The following ZNF454 variants were observed in gnomAD, a reference collection of about 807,000 sequenced individuals.
ZNF454 encodes the protein zinc finger protein 454.
In ZNF454, 30 loss-of-function variants were observed where a neutral mutation model predicts 48.2. That is an observed-to-expected ratio of 0.62 (90% confidence interval 0.47 to 0.84). ZNF454 has a LOEUF of 0.84. ZNF454 is among the 40% of genes least tolerant of loss of function. ZNF454 has a pLI of 0.00. For missense variants in ZNF454, 510 were observed against 623.1 expected, an observed-to-expected ratio of 0.82 and a Z score of 1.93; for synonymous variants, 204 against 211.4, an observed-to-expected ratio of 0.97 and a Z score of 0.30.
intron 4 of ZNF454, among the ~76,000 whole-genome samples, chr5:178,951,963 T>G (rs1453177747): frequency 6.6e-6 from 1 of 152,218 alleles, no homozygotes; most frequent in East Asian, 1.9e-4. Context: ...AAAATTCTGT[T>G]AGTCTTATTC....
At chr5:178,977,323 C>A in the ZNF454 span, 5 of 437,520 alleles carry the variant, frequency 1.1e-5, no homozygotes, top group Non-Finnish European at 1.9e-5. Context: ...ATAAAAGAGA[C>A]CCCAGGGTGC....
intron 2 of ZNF454, among the ~76,000 whole-genome samples, chr5:178,943,094 A>C (rs907674885): frequency 6.6e-6 from 1 of 152,204 alleles, no homozygotes; most frequent in Non-Finnish European, 1.5e-5. Flanking sequence ...TACTCTTTTC[A>C]CTAGCAAGTA....
intron 4 of ZNF454, among the ~76,000 whole-genome samples, chr5:178,954,322 G>A (rs1026351491): frequency 6.6e-6 from 1 of 151,938 alleles, no homozygotes; most frequent in Non-Finnish European, 1.5e-5. Context: ...TAAAATTCCT[G>A]CCCATTGACT....
the ZNF454 span, chr5:178,980,120 A>G: frequency 1.0e-2 from 1,540 of 154,480 alleles, 76 homozygotes; most frequent in East Asian, 0.14. The surrounding 1 kb of genome is among the most constrained non-coding windows in gnomAD (Gnocchi z 4.3). Flanking sequence ...ACCTAGTCCC[A>G]CGGTCAAAAC....
the ZNF454 span, chr5:178,986,022 A>G: frequency 9.6e-7 from 1 of 1,038,474 alleles, no homozygotes; most frequent in Non-Finnish European, 1.4e-6. Context: ...TCAGCCTCCA[A>G]AGGTGCTGGG....
chr5:178,964,338 T>C (rs559271837), intron 4 of ZNF454, among the ~76,000 whole-genome samples: 1 of 152,224 alleles, frequency 6.6e-6, no homozygotes, highest in South Asian at 2.1e-4. Context: ...GCCAGGATGG[T>C]CTCGATCTCC....
the ZNF454 span, chr5:178,982,924 G>A: frequency 6.2e-7 from 1 of 1,613,354 alleles, no homozygotes; most frequent in South Asian, 1.1e-5. Flanking sequence ...TCAGCTGACT[G>A]GGCAGTGCCA....
the ZNF454 span, chr5:178,980,631 G>GT: frequency 9.8e-3 from 1,507 of 153,346 alleles, 21 homozygotes; most frequent in African/African-American, 0.035. The surrounding 1 kb of genome is among the most constrained non-coding windows in gnomAD (Gnocchi z 4.3). Flanking sequence ...TTTTTTTGGT[G>GT]TTTTTTTGTT....
chr5:178,951,059 C>A (rs1465029309), intron 4 of ZNF454, among the ~76,000 whole-genome samples: 4 of 152,000 alleles, frequency 2.6e-5, no homozygotes, highest in African/African-American at 9.7e-5. Flanking sequence ...GGGGTTTCAC[C>A]ATGTTGGCCC....
chr5:178,975,082 C>A, the ZNF454 span, among the ~76,000 whole-genome samples: 1 of 152,158 alleles, frequency 6.6e-6, no homozygotes, highest in Admixed American at 6.6e-5. Context: ...CCATGGCAGG[C>A]CGATCACCTG....
chr5:178,983,188 G>A, the ZNF454 span: 2 of 1,613,066 alleles, frequency 1.2e-6, no homozygotes, highest in Non-Finnish European at 1.7e-6. Context: ...CTGTGTGGGG[G>A]CCGGGCCCCC....
At chr5:178,942,435 G>A (rs1196126912) in intron 1 of ZNF454, 1 of 224,818 alleles carries the variant, frequency 4.4e-6, no homozygotes, top group African/African-American at 2.3e-5. Flanking sequence ...GAATTCTCTT[G>A]AGATCGCTCA....
At chr5:178,955,855 C>T (rs547283838) in intron 4 of ZNF454, among the ~76,000 whole-genome samples, 1 of 152,278 alleles carries the variant, frequency 6.6e-6, no homozygotes, top group South Asian at 2.1e-4. Flanking sequence ...GCTTTCTTCT[C>T]TTTGGTGGCT....
the ZNF454 span, among the ~76,000 whole-genome samples, chr5:178,984,692 CA>C: frequency 2.6e-5 from 4 of 152,228 alleles, no homozygotes; most frequent in African/African-American, 9.6e-5. Context: ...TGGGCCTGAC[CA>C]GGGGACACTC....
At chr5:178,985,507 TC>T in the ZNF454 span, 3 of 338,674 alleles carry the variant, frequency 8.9e-6, no homozygotes, top group South Asian at 4.5e-5. Flanking sequence ...ATCGAGACCA[TC>T]CTGGCTAACA....
chr5:178,946,232 A>C lies in ZNF454; in HGVS notation c.34-127A>C. Reference sequence around the variant, plus strand: ...TGAAGAGTGATGAACTTGTCACAGAACGCCAGCTCCCTGTGTGCCAGCAGT... The same window carrying C: ...TGAAGAGTGATGAACTTGTCACAGACCGCCAGCTCCCTGTGTGCCAGCAGT... On this transcript the variant is annotated intron_variant, in intron 2 of 4. Transcript: ENST00000519564. The surrounding 1 kb of genome is among the most constrained non-coding windows in gnomAD (Gnocchi z 4.5). The C allele has an allele frequency of 7.7e-7, 1 of 1,299,916 alleles. No homozygotes were observed. The highest frequency in any genetic ancestry group is 1.1e-6 in the Non-Finnish European group (1 of 941,574). 80.5% of individuals were successfully genotyped at this position (1,299,916 alleles called of 1,614,324 possible). A position where few individuals can be genotyped will look rare whatever the true frequency, so the allele number is the denominator to read the frequency against.
chr5:178,985,149 A>G, the ZNF454 span: 1 of 393,830 alleles, frequency 2.5e-6, no homozygotes, highest in Admixed American at 2.9e-5. Flanking sequence ...TGCCCCAGGG[A>G]GCAGGGCAGC....
intron 4 of ZNF454, among the ~76,000 whole-genome samples, chr5:178,956,729 G>A (rs1372429204): frequency 2.0e-5 from 3 of 148,510 alleles, no homozygotes; most frequent in African/African-American, 5.0e-5. Context: ...ATTTTGAGAC[G>A]GAGTCTCTCT....
intron 2 of ZNF454, among the ~76,000 whole-genome samples, chr5:178,945,487 G>T (rs1271489798): frequency 6.7e-6 from 1 of 149,272 alleles, no homozygotes; most frequent in Non-Finnish European, 1.5e-5. Context: ...TATGTGGAGG[G>T]ATATGGGTGT....
Sources: allele counts gnomAD v4.1 joint callset (sites outside exome capture counted in the v4.1 genomes callset), GRCh38; gene constraint gnomAD v4.1.1; non-coding constraint Gnocchi (gnomAD v3.1); transcripts MANE v1.5; gene names NCBI Gene and HGNC (gene_info 2026-07-23, HGNC 2026-07-21).